STPG1: variants seen among roughly 807,000 people sequenced by gnomAD.
The protein encoded by STPG1 is O(6)-methylguanine-induced apoptosis 2.
STPG1 carries 33 observed loss-of-function variants against 40.1 expected under a neutral mutation model. That is an observed-to-expected ratio of 0.82 (90% confidence interval 0.62 to 1.10). The LOEUF (loss-of-function observed/expected upper bound fraction) is 1.10. Ranked by LOEUF, STPG1 falls within the 50% of genes least tolerant of loss-of-function variation. The pLI is 0.00. For synonymous variants in STPG1, 150 were observed against 155.0 expected, an observed-to-expected ratio of 0.97 and a Z score of 0.24; for missense variants, 396 against 415.1, an observed-to-expected ratio of 0.95 and a Z score of 0.40.
chr1:24,373,632 T>A, intron 6 of STPG1, 70 bp downstream of exon 6: 1 of 1,021,836 alleles, frequency 9.8e-7, no homozygotes, highest in Non-Finnish European at 1.5e-6. Flanking sequence ...TGTGAAGAAG[T>A]AGGTGCCCTG....
Position 24,359,978 on chromosome 1 carries a change from C to T in STPG1, c.928+873G>A, listed in dbSNP as rs185766852. Among the ~76,000 whole-genome samples the T allele has an allele frequency of 3.3e-5, 5 of 152,244 alleles. No homozygotes were observed. The highest frequency in any genetic ancestry group is 1.9e-4 in the East Asian group (1 of 5,176). On this transcript the variant is annotated intron_variant, in intron 8 of 8. Coordinates refer to ENST00000337248, the MANE Select transcript of STPG1 (RefSeq NM_001199013.2). The surrounding 1 kb of genome is among the most constrained non-coding windows in gnomAD (Gnocchi z 5.3). ...GCTAGAAGGTTCAAAAGAGCTGCTC[C>T]GTTGGACAGTCCCTGGTTAATTTCA...
chr1:24,358,193 T>C lies in STPG1; in HGVS notation c.*350A>G. ...ACCTTCAGGGTGGACTGATCCTCCT[T>C]GAAGTCTGCGCTTCAGGAGTCCCTT... is the stretch of plus-strand genomic sequence containing the variant. On this transcript the variant is annotated 3_prime_UTR_variant, in exon 9 of 9. Transcript: ENST00000337248. 3.8e-6 allele frequency: 2 copies of C among 527,370 alleles called. No individual in the cohort carries two copies. Among genetic ancestry groups the C allele is most frequent in the Admixed American group, 2.2e-5 (1 of 44,614 alleles). The allele number at this position is 527,370 out of a possible 1,614,324, so 32.7% of individuals were successfully genotyped here.
chr1:24,390,846 C>G (rs1409503165), intron 3 of STPG1, among the ~76,000 whole-genome samples: 1 of 150,224 alleles, frequency 6.7e-6, no homozygotes, highest in East Asian at 1.9e-4. Flanking sequence ...GTCACCCAGG[C>G]TAGGGTACAG....
chr1:24,363,831 T>C (rs1641278473), intron 7 of STPG1, among the ~76,000 whole-genome samples: 1 of 152,076 alleles, frequency 6.6e-6, no homozygotes, highest in African/African-American at 2.4e-5. Context: ...AGCAAAAGCA[T>C]GGAATGGGGA....
chr1:24,376,654 G>A (rs1193436900), intron 5 of STPG1, among the ~76,000 whole-genome samples: 1 of 152,166 alleles, frequency 6.6e-6, no homozygotes, highest in Non-Finnish European at 1.5e-5. Context: ...CCGGGTGAAG[G>A]AGTAGACAGT....
intron 6 of STPG1, among the ~76,000 whole-genome samples, chr1:24,372,650 C>A (rs1185932347): frequency 1.3e-5 from 2 of 152,202 alleles, no homozygotes; most frequent in South Asian, 2.1e-4. Context: ...TGGGGCTGAG[C>A]CTCCTAATTA....
At chr1:24,391,826 A>AT (rs779885929) in intron 2 of STPG1, 147 bp from the exon 3 acceptor site, 27 of 1,120,828 alleles carry the variant, frequency 2.4e-5, no homozygotes, top group South Asian at 1.9e-4. Flanking sequence ...ACGAAACCGG[A>AT]TTAAAAAAAA....
At chr1:24,387,710 GCATGT>G (rs1466447555) in intron 3 of STPG1, among the ~76,000 whole-genome samples, 1 of 152,156 alleles carries the variant, frequency 6.6e-6, no homozygotes, top group Non-Finnish European at 1.5e-5. Flanking sequence ...GGGGTACCTG[GCATGT>G]CATGAGTGCC....
chr1:24,380,253 C>T (rs565045788), intron 4 of STPG1, among the ~76,000 whole-genome samples: 3 of 152,242 alleles, frequency 2.0e-5, no homozygotes, highest in East Asian at 1.9e-4. Flanking sequence ...GCCTAAGCAA[C>T]GAGTTTGCTT....
rs780036113 is a variant in STPG1, at chr1:24,379,655, T to G, written c.460A>C (p.Asn154His). 1 of 1,614,030 alleles carries G rather than the reference T, an allele frequency of 6.2e-7. No individual in the cohort carries two copies. Among genetic ancestry groups the G allele is most frequent in the South Asian group, 1.1e-5 (1 of 91,084 alleles). The change falls in exon 5 of 9, where the codon AAT becomes CAT. Residue 154 changes from asparagine (N) to histidine (H), a missense_variant and splice_region_variant. Asn to His is a moderately conservative substitution (Grantham distance 68). Transcript: ENST00000337248. ...GCAAGCATAGGCAGAGTTCTTACAT[T>G]GTAATAGTTTGGTGCAGGAGTTTCA... ...KFETPAPNYY[N>H]ASVSCCKQRN...
chr1:24,401,221 G>T (rs1260833236), intron 2 of STPG1, 98 bp downstream of exon 2: 37 of 1,022,510 alleles, frequency 3.6e-5, no homozygotes, highest in Non-Finnish European at 5.5e-5. Flanking sequence ...TGGCCCTGTG[G>T]ATATAACCCA....
intron 1 of STPG1, among the ~76,000 whole-genome samples, chr1:24,412,306 G>A (rs765124895): frequency 6.6e-6 from 1 of 152,038 alleles, no homozygotes; most frequent in African/African-American, 2.4e-5. Context: ...TTTCCTCACC[G>A]GACCCAGGCA....
intron 3 of STPG1, among the ~76,000 whole-genome samples, chr1:24,389,733 T>C (rs539171163): frequency 2.0e-5 from 3 of 152,260 alleles, no homozygotes; most frequent in East Asian, 1.9e-4. Flanking sequence ...GGACAATATA[T>C]TATCATTAAA....
chr1:24,383,947 G>A lies in STPG1; in HGVS notation c.246C>T (p.Asn82=). 3.1e-6 allele frequency: 5 copies of A among 1,614,064 alleles called. No homozygotes were observed. The highest frequency in any genetic ancestry group is 4.2e-6 in the Non-Finnish European group (5 of 1,179,890). Residue 82 remains asparagine (N), a synonymous_variant, in exon 4 of 9, where the codon AAC becomes AAT. Coordinates refer to ENST00000337248, the MANE Select transcript of STPG1 (RefSeq NM_001199013.2). The part of the protein sequence containing the change: ...YNVIHQSPVS[N]SVSLSKKGTC... ...TTCCTTTCTTGGACAATGAGACACTGTTGGACACCGGTGACTGGTGAATAA... is the reference window on the plus strand; with the variant it reads ...TTCCTTTCTTGGACAATGAGACACTATTGGACACCGGTGACTGGTGAATAA...
At chr1:24,384,411 C>A (rs1487312567) in intron 3 of STPG1, among the ~76,000 whole-genome samples, 1 of 152,192 alleles carries the variant, frequency 6.6e-6, no homozygotes, top group African/African-American at 2.4e-5. Flanking sequence ...TCACCCCACC[C>A]CACCTGACTC....
intron 4 of STPG1, among the ~76,000 whole-genome samples, chr1:24,380,744 G>A (rs573289852): frequency 6.6e-6 from 1 of 152,330 alleles, no homozygotes; most frequent in African/African-American, 2.4e-5. Flanking sequence ...AGAAGCGGGA[G>A]TGTTCTTGTC....
At chr1:24,375,565 C>T (rs774209494) in intron 5 of STPG1, among the ~76,000 whole-genome samples, 6 of 151,842 alleles carry the variant, frequency 4.0e-5, no homozygotes, top group Non-Finnish European at 7.4e-5. Flanking sequence ...GCCAGGTTGC[C>T]GGAGAGAAGG....
Position 24,358,225 on chromosome 1 carries a change from G to T in STPG1, c.*318C>A, listed in dbSNP as rs563247948. 8.7e-5 allele frequency: 50 copies of T among 576,434 alleles called. No individual in the cohort carries two copies. Among genetic ancestry groups the T allele is most frequent in the Middle Eastern group, 8.0e-4 (3 of 3,754 alleles). 35.7% of individuals were successfully genotyped at this position (576,434 alleles called of 1,614,324 possible). ...TGCGCTTCAGGAGTCCCTTCAGTCT[G>T]CGGCAGGGAGTCGTGCCGGAAGGCA... is the stretch of plus-strand genomic sequence containing the variant. On this transcript the variant is annotated 3_prime_UTR_variant, in exon 9 of 9. Transcript: ENST00000337248.
At chr1:24,361,730 T>C (rs1055145139) in intron 7 of STPG1, among the ~76,000 whole-genome samples, 3 of 152,166 alleles carry the variant, frequency 2.0e-5, no homozygotes, top group African/African-American at 7.2e-5. Context: ...CTTCCCCTCC[T>C]TCCAGAAAGG....
Sources: allele counts gnomAD v4.1 joint callset (sites outside exome capture counted in the v4.1 genomes callset), GRCh38; gene constraint gnomAD v4.1.1; non-coding constraint Gnocchi (gnomAD v3.1); transcripts MANE v1.5; gene names NCBI Gene and HGNC (gene_info 2026-07-23, HGNC 2026-07-21).